The following MAML2 variants were observed in gnomAD, a reference collection of about 807,000 sequenced individuals.
MAML2 encodes mastermind-like protein 2.
A neutral mutation model predicts 96.1 loss-of-function variants in MAML2; 22 were observed. That is an observed-to-expected ratio of 0.23 (90% confidence interval 0.16 to 0.33). The LOEUF is 0.33. Among genes scored for constraint, MAML2 ranks in the 10% least tolerant of loss-of-function variants. MAML2 has a pLI of 1.00. For missense variants in MAML2, 1,367 were observed against 1,392.4 expected, an observed-to-expected ratio of 0.98 and a Z score of 0.29; for synonymous variants, 561 against 521.3, an observed-to-expected ratio of 1.08 and a Z score of -1.04.
chr11:96,140,393 T>C (rs1190619458), intron 1 of MAML2, among the ~76,000 whole-genome samples: 1 of 152,214 alleles, frequency 6.6e-6, no homozygotes, highest in Non-Finnish European at 1.5e-5. Flanking sequence ...ACCACTGTTA[T>C]TGCCTCTGGT....
intron 1 of MAML2, among the ~76,000 whole-genome samples, chr11:96,216,225 C>T (rs1018687401): frequency 3.5e-4 from 54 of 152,148 alleles, no homozygotes; most frequent in African/African-American, 1.3e-3. Flanking sequence ...AGGGAAGAAC[C>T]AGGAAGATCT....
intron 2 of MAML2, among the ~76,000 whole-genome samples, chr11:96,079,139 G>A (rs1180386927): frequency 6.6e-6 from 1 of 152,170 alleles, no homozygotes; most frequent in African/African-American, 2.4e-5. Context: ...GACTCTAATT[G>A]CCTAATACCT....
chr11:96,306,489 T>C (rs1863463671), intron 1 of MAML2, among the ~76,000 whole-genome samples: 1 of 152,214 alleles, frequency 6.6e-6, no homozygotes, highest in Admixed American at 6.5e-5. Flanking sequence ...GAATTTTCCT[T>C]TATGTGGATC....
intron 1 of MAML2, among the ~76,000 whole-genome samples, chr11:96,235,700 T>G (rs951428361): frequency 9.2e-5 from 14 of 152,248 alleles, no homozygotes; most frequent in Non-Finnish European, 2.9e-5. Context: ...AGTTTATTTT[T>G]AAAAGGAATC....
intron 2 of MAML2, among the ~76,000 whole-genome samples, chr11:96,059,333 G>A (rs1859118560): frequency 1.3e-5 from 2 of 152,140 alleles, no homozygotes; most frequent in Non-Finnish European, 1.5e-5. Context: ...ATGGCCATAG[G>A]TGAGTAGATA....
intron 1 of MAML2, among the ~76,000 whole-genome samples, chr11:96,317,054 C>A (rs780902999): frequency 2.0e-5 from 3 of 152,178 alleles, no homozygotes; most frequent in African/African-American, 7.2e-5. Flanking sequence ...TGGTTTTACT[C>A]GTCCTTCAGC....
At chr11:96,048,926 G>A (rs1233799935) in intron 2 of MAML2, among the ~76,000 whole-genome samples, 1 of 152,214 alleles carries the variant, frequency 6.6e-6, no homozygotes, top group Non-Finnish European at 1.5e-5. Flanking sequence ...AGCCATAGTG[G>A]AAGAATTTAG....
At chr11:96,225,702 G>A (rs141143567) in intron 1 of MAML2, among the ~76,000 whole-genome samples, 10 of 152,000 alleles carry the variant, frequency 6.6e-5, no homozygotes, top group South Asian at 4.2e-4. Context: ...GCGTGGTGGC[G>A]GATACCTGTA....
intron 2 of MAML2, among the ~76,000 whole-genome samples, chr11:96,066,108 A>G (rs1859241411): frequency 6.6e-6 from 1 of 152,182 alleles, no homozygotes; most frequent in African/African-American, 2.4e-5. Context: ...CAGCCACACC[A>G]GTGGTCCTTC....
At chr11:96,044,797 T>TTCAACTCCTTGAA in intron 2 of MAML2, among the ~76,000 whole-genome samples, 1 of 152,356 alleles carries the variant, frequency 6.6e-6, no homozygotes, top group East Asian at 1.9e-4. Context: ...AAATGAAAGT[T>TTCAACTCCTTGAA]GTTGACGAAA....
intron 2 of MAML2, among the ~76,000 whole-genome samples, chr11:96,068,976 T>C: frequency 7.2e-6 from 1 of 138,842 alleles, no homozygotes; most frequent in African/African-American, 2.7e-5. Flanking sequence ...GGCTGGAGTG[T>C]GGTGGTGTGA....
chr11:96,149,956 A>G (rs956637684), intron 1 of MAML2, among the ~76,000 whole-genome samples: 1 of 152,150 alleles, frequency 6.6e-6, no homozygotes, highest in Non-Finnish European at 1.5e-5. Context: ...ACCTCAATGC[A>G]TATGACTCCT....
intron 1 of MAML2, among the ~76,000 whole-genome samples, chr11:96,236,837 G>T (rs1025019949): frequency 2.6e-5 from 4 of 152,066 alleles, no homozygotes; most frequent in African/African-American, 9.7e-5. Context: ...TGAGCTCTCT[G>T]CCTTTACCAC....
intron 1 of MAML2, among the ~76,000 whole-genome samples, chr11:96,194,210 G>T (rs1164192370): frequency 6.6e-6 from 1 of 152,222 alleles, no homozygotes; most frequent in Non-Finnish European, 1.5e-5. Context: ...TTGAACTGGA[G>T]GCTGGGGTGG....
At chr11:96,098,055 C>T (rs1346211311) in intron 1 of MAML2, among the ~76,000 whole-genome samples, 1 of 152,130 alleles carries the variant, frequency 6.6e-6, no homozygotes, top group Non-Finnish European at 1.5e-5. Flanking sequence ...CACAGATAGC[C>T]CAGACAGCCA....
chr11:95,990,672 A>G (rs932996761), intron 3 of MAML2, among the ~76,000 whole-genome samples: 3 of 152,150 alleles, frequency 2.0e-5, no homozygotes, highest in African/African-American at 7.2e-5. Flanking sequence ...TTATTTACTG[A>G]ATAATTATAG....
intron 1 of MAML2, among the ~76,000 whole-genome samples, chr11:96,297,513 T>A (rs1591119959): frequency 6.6e-6 from 1 of 152,112 alleles, no homozygotes; most frequent in African/African-American, 2.4e-5. Flanking sequence ...AGGTGGAGGT[T>A]ATAGTGAGCC....
At chr11:96,051,725 C>T (rs184886031) in intron 2 of MAML2, among the ~76,000 whole-genome samples, 6 of 152,264 alleles carry the variant, frequency 3.9e-5, no homozygotes, top group East Asian at 1.9e-4. Context: ...AATTAATTTG[C>T]GTTAACAAGC....
At chr11:96,214,474 C>T (rs1465029488) in intron 1 of MAML2, among the ~76,000 whole-genome samples, 2 of 152,168 alleles carry the variant, frequency 1.3e-5, no homozygotes, top group African/African-American at 2.4e-5. Context: ...CTCTCTAGAA[C>T]CTTTAGTTCT....
Sources: allele counts gnomAD v4.1 joint callset (sites outside exome capture counted in the v4.1 genomes callset), GRCh38; gene constraint gnomAD v4.1.1; transcripts MANE v1.5; gene names NCBI Gene and HGNC (gene_info 2026-07-23, HGNC 2026-07-21).